Variants in FRAS1 observed in about 807,000 individuals in gnomAD.
FRAS1 encodes Fraser extracellular matrix complex subunit 1.
A neutral mutation model predicts 435.2 loss-of-function variants in FRAS1; 290 were observed. That is an observed-to-expected ratio of 0.67 (90% confidence interval 0.61 to 0.73). The LOEUF is 0.73. Among genes scored for constraint, FRAS1 ranks in the 30% least tolerant of loss-of-function variants. The pLI is 0.00. For missense variants in FRAS1, 4,860 were observed against 5,001.5 expected (o/e 0.97, Z 0.85); for synonymous variants, 1,800 against 1,851.0 (o/e 0.97, Z 0.71).
rs147023609 is a variant in FRAS1 at position 78,354,949 on chromosome 4, C to G, written c.2423-8564C>G. ...TGATTGTGGGTAATCCTCACTGATC[C>G]TTGAAGCAGAGCCTTTGTGATTTGA... On this transcript the variant is annotated intron_variant, in intron 20 of 73. Transcript: ENST00000512123. Among the ~76,000 whole-genome samples, 15 of 152,262 alleles carry G rather than the reference C, an allele frequency of 9.9e-5. No individual in the cohort carries two copies. In the East Asian group the frequency reaches 2.9e-3, roughly 29 times the overall value.
intron 2 of FRAS1, among the ~76,000 whole-genome samples, chr4:78,125,684 T>G (rs553037828): frequency 3.3e-5 from 5 of 152,290 alleles, no homozygotes; most frequent in African/African-American, 9.6e-5. Context: ...CCAGATGCTG[T>G]TTTCCTGGGT....
intron 2 of FRAS1, among the ~76,000 whole-genome samples, chr4:78,104,236 A>G (rs1047365120): frequency 2.0e-5 from 3 of 152,234 alleles, no homozygotes; most frequent in South Asian, 2.1e-4. Flanking sequence ...CTAATTTCAC[A>G]TGAACCAAGT....
chr4:78,337,523 TCCAAGGGTGTG>T, intron 19 of FRAS1, 140 bp from the exon 20 acceptor site: 1 of 843,642 alleles, frequency 1.2e-6, no homozygotes, highest in South Asian at 1.6e-5. Flanking sequence ...CTAGGTCAGG[TCCAAGGGTGTG>T]CCCGGCTTGC....
At position 78,359,465 on chromosome 4, in the gene FRAS1, T is replaced by C. The variant is rs567481378; in HGVS notation, c.2423-4048T>C. Among the ~76,000 whole-genome samples, 6 of 152,046 alleles carry C rather than the reference T, an allele frequency of 3.9e-5. No individual in the cohort carries two copies. In the East Asian group the frequency reaches 9.9e-4, roughly 25 times the overall value. The stretch of plus-strand genomic sequence containing the variant: ...GTGTTCCCTAGGTTTTGGGGACTTA[T>C]TATTCTTTTTGGCTTGATTTAATAA... On this transcript the variant is annotated intron_variant, in intron 20 of 73. Transcript: ENST00000512123.
intron 2 of FRAS1, among the ~76,000 whole-genome samples, chr4:78,176,609 C>G (rs1457552491): frequency 6.6e-6 from 1 of 152,168 alleles, no homozygotes; most frequent in Admixed American, 6.5e-5. Context: ...CTCATAAGTA[C>G]AATTTAATTC....
intron 71 of FRAS1, 71 bp from the exon 72 acceptor site, chr4:78,536,924 T>C: frequency 7.5e-7 from 1 of 1,325,284 alleles, no homozygotes; most frequent in Admixed American, 1.7e-5. Context: ...GTTTAACCCC[T>C]TTCAACCCTT....
At chr4:78,472,093 G>A (rs577276430) in intron 51 of FRAS1, 87 bp from the exon 52 acceptor site, 9 of 1,351,398 alleles carry the variant, frequency 6.7e-6, no homozygotes, top group Non-Finnish European at 9.5e-6. Flanking sequence ...GTAAATCATT[G>A]TTGAACTGAA....
At chr4:78,432,297 T>C (rs1180736163) in intron 37 of FRAS1, 60 bp from the exon 38 acceptor site, 1 of 1,495,502 alleles carries the variant, frequency 6.7e-7, no homozygotes, top group Non-Finnish European at 9.0e-7. Context: ...AAAGGTGCTA[T>C]ATAATGAAAA....
intron 7 of FRAS1, among the ~76,000 whole-genome samples, chr4:78,265,564 TG>T (rs966138741): frequency 2.6e-5 from 4 of 152,148 alleles, no homozygotes; most frequent in African/African-American, 9.7e-5. Flanking sequence ...GAGAGGCTGT[TG>T]GTGGTAGAAC....
At chr4:78,319,776 A>T (rs1729426231) in intron 18 of FRAS1, 1 of 183,822 alleles carries the variant, frequency 5.4e-6, no homozygotes, top group Admixed American at 5.5e-5. Context: ...TTTGTATCCT[A>T]CAAGTCTACT....
At chr4:78,369,025 G>A (rs186833514) in intron 22 of FRAS1, among the ~76,000 whole-genome samples, 3 of 152,364 alleles carry the variant, frequency 2.0e-5, no homozygotes, top group Admixed American at 2.0e-4. Flanking sequence ...AAGGGGGTCA[G>A]AGCGGAGATG....
intron 2 of FRAS1, chr4:78,181,439 G>A (rs1721995051): frequency 6.2e-7 from 1 of 1,611,916 alleles, no homozygotes; most frequent in East Asian, 2.2e-5. Flanking sequence ...ATGTGAAAAA[G>A]AAGATCTATC....
At chr4:78,253,623 A>G (rs1234761585) in intron 5 of FRAS1, among the ~76,000 whole-genome samples, 1 of 152,082 alleles carries the variant, frequency 6.6e-6, no homozygotes, top group East Asian at 1.9e-4. Flanking sequence ...TGGCTCAAAG[A>G]TTTCCTAACC....
intron 20 of FRAS1, among the ~76,000 whole-genome samples, chr4:78,339,102 A>G (rs1371236085): frequency 6.6e-6 from 1 of 152,088 alleles, no homozygotes; most frequent in Non-Finnish European, 1.5e-5. Context: ...GTCTATTGCT[A>G]GTGATGTTAG....
At chr4:78,454,024 T>G (rs186891989) in intron 47 of FRAS1, among the ~76,000 whole-genome samples, 25 of 152,234 alleles carry the variant, frequency 1.6e-4, no homozygotes, top group Middle Eastern at 3.4e-3. Flanking sequence ...ACGTATATGC[T>G]GTGTCAGATG....
intron 23 of FRAS1, 52 bp from the exon 24 acceptor site, chr4:78,372,666 G>A (rs1306165200): frequency 5.0e-6 from 8 of 1,603,080 alleles, no homozygotes; most frequent in Admixed American, 3.3e-5. Context: ...TGAACTGCTG[G>A]GTCTGAGGGT....
In FRAS1 at chr4:78,117,236, C is replaced by T. The variant is rs185334399; in HGVS notation, c.108+51220C>T. ...TGATGGGCTTCCCTTTGTGGGTAAC[C>T]TGACCTTTCTCTCTGGCTGCCCTTA... On this transcript the variant is annotated intron_variant, in intron 2 of 73. Transcript: ENST00000512123. Among the ~76,000 whole-genome samples, 810 of 152,308 alleles carry T rather than the reference C, an allele frequency of 5.3e-3. 5 individuals carry two copies. The highest frequency in any genetic ancestry group is 6.5e-3 in the Non-Finnish European group (439 of 68,034).
intron 4 of FRAS1, among the ~76,000 whole-genome samples, chr4:78,248,214 A>G (rs940705423): frequency 3.3e-5 from 5 of 152,202 alleles, no homozygotes; most frequent in Non-Finnish European, 5.9e-5. Context: ...TTGGGGGATC[A>G]TTTCATCTAT....
At chr4:78,174,225 T>C (rs1170294279) in intron 2 of FRAS1, among the ~76,000 whole-genome samples, 1 of 152,250 alleles carries the variant, frequency 6.6e-6, no homozygotes, top group Admixed American at 6.5e-5. Context: ...TGTTGGCTCA[T>C]GTTCTTGACT....
Sources: gnomAD v4.1 joint callset for allele counts (sites outside exome capture counted in the v4.1 genomes callset) on GRCh38, gnomAD v4.1.1 for gene constraint, MANE v1.5 for transcripts, NCBI Gene and HGNC (gene_info 2026-07-23, HGNC 2026-07-21) for gene names.